CUX1: variants seen among roughly 807,000 people sequenced by gnomAD.
CUX1 encodes cut like homeobox 1.
A neutral mutation model predicts 158.8 loss-of-function variants in CUX1; 31 were observed. The ratio of observed to expected loss-of-function variants is 0.20; its 90% CI spans 0.15 to 0.26. CUX1 has a LOEUF of 0.26. Ranked by LOEUF, CUX1 falls within the 10% of genes least tolerant of loss-of-function variation. The pLI, the probability that CUX1 is intolerant of heterozygous loss-of-function variation, is 1.00. For synonymous variants in CUX1, 879 were observed against 862.1 expected (o/e 1.02, Z -0.34); for missense variants, 1,589 against 2,014.6 (o/e 0.79, Z 4.04).
chr7:102,031,613 A>G (rs1217310748), intron 3 of CUX1, among the ~76,000 whole-genome samples: 1 of 152,158 alleles, frequency 6.6e-6, no homozygotes, highest in African/African-American at 2.4e-5. Flanking sequence ...ATTTTTTGGC[A>G]CCATTAATTA....
At chr7:101,911,588 C>T (rs1247392887) in intron 1 of CUX1, among the ~76,000 whole-genome samples, 1 of 152,124 alleles carries the variant, frequency 6.6e-6, no homozygotes, top group Non-Finnish European at 1.5e-5. Context: ...TGGCGTTGAC[C>T]TTGGCCCGCC....
intron 4 of CUX1, among the ~76,000 whole-genome samples, chr7:102,085,046 T>C (rs1030378741): frequency 8.6e-5 from 13 of 151,990 alleles, no homozygotes; most frequent in African/African-American, 2.7e-4. Flanking sequence ...TTCTCTCCTA[T>C]TCCTAGCTTG....
At chr7:101,827,577 C>T (rs559472253) in intron 1 of CUX1, among the ~76,000 whole-genome samples, 32 of 152,200 alleles carry the variant, frequency 2.1e-4, no homozygotes, top group African/African-American at 7.0e-4. Flanking sequence ...TCCTAAAGAG[C>T]TGAGATTATA....
At chr7:102,003,348 C>G (rs1420729205) in intron 2 of CUX1, among the ~76,000 whole-genome samples, 1 of 145,514 alleles carries the variant, frequency 6.9e-6, no homozygotes, top group Non-Finnish European at 1.5e-5. Flanking sequence ...CCGCCCCCCG[C>G]TCCACTGTTC....
At chr7:101,826,814 C>G (rs915820224) in intron 1 of CUX1, among the ~76,000 whole-genome samples, 2 of 152,140 alleles carry the variant, frequency 1.3e-5, no homozygotes, top group Admixed American at 6.5e-5. Flanking sequence ...CTTGGGTTCC[C>G]TCCCTCTGCC....
rs558992717 is a variant in CUX1, at chr7:102,252,715, A to C, written c.*3673A>C. 2 of 985,352 alleles carry C rather than the reference A, an allele frequency of 2.0e-6. No homozygotes were observed. The highest frequency in any genetic ancestry group is 6.1e-5 in the Admixed American group (1 of 16,274). The allele number at this position is 985,352 out of a possible 1,614,324, so 61.0% of individuals were successfully genotyped here. On this transcript the variant is annotated 3_prime_UTR_variant, in exon 24 of 24. Coordinates refer to ENST00000292535, the MANE Select transcript of CUX1 (RefSeq NM_181552.4). ...GCCCAACTCACTTCCACCCCAGAGG[A>C]GTCTTCTGTCCTCCTCCCCAACCCC... is the stretch of plus-strand genomic sequence containing the variant.
chr7:101,988,428 C>T (rs1217268846), intron 2 of CUX1, among the ~76,000 whole-genome samples: 1 of 152,132 alleles, frequency 6.6e-6, no homozygotes, highest in African/African-American at 2.4e-5. Flanking sequence ...ACTTCATGGG[C>T]TGTGGGCCTC....
At chr7:102,192,768 G>T (rs1323245275) in intron 12 of CUX1, among the ~76,000 whole-genome samples, 2 of 152,240 alleles carry the variant, frequency 1.3e-5, no homozygotes, top group African/African-American at 4.8e-5. Context: ...GGTCCAGCCA[G>T]CCTGCTCTGG....
rs576497700 is a variant in CUX1 at position 102,093,834 on chromosome 7, G to C, written c.269-3530G>C. Among the ~76,000 whole-genome samples, 105 of 152,326 alleles carry C rather than the reference G, an allele frequency of 6.9e-4. 1 individual carries two copies. Among genetic ancestry groups the C allele is most frequent in the Admixed American group, 6.7e-3 (103 of 15,306 alleles). ...GGGTGGGCGGAGCTGGCAGGAAAGCGTGTTGAATCGGAGGAGGAGGAGGCT... is the reference window on the plus strand; with the variant it reads ...GGGTGGGCGGAGCTGGCAGGAAAGCCTGTTGAATCGGAGGAGGAGGAGGCT... On this transcript the variant is annotated intron_variant, in intron 4 of 23. Transcript: ENST00000292535.
chr7:101,911,884 C>G (rs1803526563), intron 1 of CUX1, among the ~76,000 whole-genome samples: 1 of 152,228 alleles, frequency 6.6e-6, no homozygotes, highest in Admixed American at 6.5e-5. Context: ...CTCATTGCCT[C>G]CTGACATCAG....
At chr7:101,828,045 G>A (rs921995821) in intron 1 of CUX1, among the ~76,000 whole-genome samples, 22 of 146,660 alleles carry the variant, frequency 1.5e-4, no homozygotes, top group South Asian at 4.3e-4. Flanking sequence ...GGCGGATCTC[G>A]ACTCACTGCA....
intron 2 of CUX1, among the ~76,000 whole-genome samples, chr7:101,976,475 C>G (rs1812698288): frequency 6.6e-6 from 1 of 152,118 alleles, no homozygotes; most frequent in African/African-American, 2.4e-5. Context: ...GATTGAAAAA[C>G]CCAGACGGGG....
At chr7:102,106,367 C>A (rs1255008188) in intron 6 of CUX1, among the ~76,000 whole-genome samples, 2 of 152,070 alleles carry the variant, frequency 1.3e-5, no homozygotes, top group Non-Finnish European at 2.9e-5. Flanking sequence ...GGATTACAGG[C>A]GTGAGCCACC....
intron 23 of CUX1, among the ~76,000 whole-genome samples, chr7:102,246,255 G>A (rs1800799990): frequency 1.3e-5 from 2 of 152,122 alleles, no homozygotes; most frequent in Non-Finnish European, 2.9e-5. Flanking sequence ...AAGCCATAGC[G>A]CCCAGGAACC....
chr7:101,887,099 T>A (rs774389429), intron 1 of CUX1, among the ~76,000 whole-genome samples: 1 of 151,990 alleles, frequency 6.6e-6, no homozygotes, highest in African/African-American at 2.4e-5. Context: ...CTGCTGGGCG[T>A]TGTTGAGTCC....
rs782679689 is a variant in CUX1, at chr7:102,248,382, C to T, written c.3888-30C>T. On this transcript the variant is annotated intron_variant, in intron 23 of 23. Transcript: ENST00000292535. This position sits in a 1 kb window ranked among gnomAD's most constrained non-coding sequence, Gnocchi z 5.8. ...AGGCCCTTTCCCCAGCAGCACCCCC[C>T]TCACGTCCCCGCCGCTTGTTGTCTT... is the stretch of plus-strand genomic sequence containing the variant. The T allele has an allele frequency of 6.4e-6, 10 of 1,557,324 alleles. No individual in the cohort carries two copies. Among genetic ancestry groups the T allele is most frequent in the South Asian group, 5.8e-5 (5 of 86,838 alleles).
intron 4 of CUX1, among the ~76,000 whole-genome samples, chr7:102,078,592 G>A (rs1417194536): frequency 6.6e-6 from 1 of 152,182 alleles, no homozygotes; most frequent in Non-Finnish European, 1.5e-5. Context: ...GCAGTGCCTG[G>A]AAGGGTTTAT....
intron 16 of CUX1, 41 bp downstream of exon 16, chr7:102,198,908 A>G: frequency 6.4e-7 from 1 of 1,566,178 alleles, no homozygotes; most frequent in Non-Finnish European, 8.8e-7. Flanking sequence ...TCAGTCACCT[A>G]GGGAAGCAGC....
intron 2 of CUX1, among the ~76,000 whole-genome samples, chr7:101,991,209 CA>C (rs1426233285): frequency 1.3e-5 from 2 of 152,180 alleles, no homozygotes; most frequent in Non-Finnish European, 2.9e-5. Flanking sequence ...AAAAGGCTGT[CA>C]AAACACAAGC....
Sources: gnomAD v4.1 joint callset for allele counts (sites outside exome capture counted in the v4.1 genomes callset) on GRCh38, gnomAD v4.1.1 for gene constraint, Gnocchi (gnomAD v3.1) non-coding constraint, MANE v1.5 for transcripts, NCBI Gene and HGNC (gene_info 2026-07-23, HGNC 2026-07-21) for gene names.